SNTG1: variants seen among roughly 807,000 people sequenced by gnomAD.
SNTG1 encodes gamma-1-syntrophin.
In SNTG1, 39 loss-of-function variants were observed where a neutral mutation model predicts 74.7. The ratio of observed to expected loss-of-function variants is 0.52; its 90% CI spans 0.40 to 0.68. SNTG1 has a LOEUF of 0.68. SNTG1 is among the 30% of genes least tolerant of loss of function. The pLI is 0.00. For synonymous variants in SNTG1, 254 were observed against 217.1 expected (o/e 1.17, Z -1.49); for missense variants, 685 against 609.5 (o/e 1.12, Z -1.30).
chr8:50,012,618 C>T (rs1815918012), intron 1 of SNTG1, among the ~76,000 whole-genome samples: 1 of 152,004 alleles, frequency 6.6e-6, no homozygotes. Flanking sequence ...GAGATTACTG[C>T]CATTGAAAAG....
chr8:50,728,065 G>A (rs1317608342), intron 17 of SNTG1, among the ~76,000 whole-genome samples: 4 of 152,100 alleles, frequency 2.6e-5, no homozygotes, highest in African/African-American at 7.2e-5. Flanking sequence ...TTGAGCAGCT[G>A]GGAAAGGTGA....
intron 1 of SNTG1, among the ~76,000 whole-genome samples, chr8:50,128,788 T>A (rs980390012): frequency 6.6e-6 from 1 of 152,116 alleles, no homozygotes; most frequent in Non-Finnish European, 1.5e-5. Flanking sequence ...ATTACAAAAA[T>A]GTTTGAATAG....
At chr8:50,579,562 G>A (rs1331836508) in intron 12 of SNTG1, among the ~76,000 whole-genome samples, 2 of 152,080 alleles carry the variant, frequency 1.3e-5, no homozygotes, top group African/African-American at 4.8e-5. Flanking sequence ...CCTGGTCCAG[G>A]CCCCCCTGCT....
rs1279252570 is a variant in SNTG1, at chr8:50,486,101, CT to C, written c.364-16673del. 6.3e-3 allele frequency among the ~76,000 whole-genome samples: 952 copies of C among 152,236 alleles called. 2 individuals are homozygous for C. The highest frequency in any genetic ancestry group is 0.011 in the Non-Finnish European group (756 of 68,010). The stretch of plus-strand genomic sequence containing the variant: ...GTAGTGTGATGCCTCCAGCTTTGTT[CT>C]TTTGGCTTAGGATTGACTTGGCGAT... On this transcript the variant is annotated intron_variant, in intron 8 of 18. Transcript: ENST00000642720.
chr8:50,290,818 G>A (rs2089056553), intron 2 of SNTG1, among the ~76,000 whole-genome samples: 2 of 151,912 alleles, frequency 1.3e-5, no homozygotes, highest in Admixed American at 6.6e-5. Context: ...GAGTGCAATG[G>A]CGTGATCTCA....
intron 1 of SNTG1, among the ~76,000 whole-genome samples, chr8:49,946,298 T>A (rs1483767342): frequency 1.3e-5 from 2 of 152,210 alleles, no homozygotes; most frequent in African/African-American, 4.8e-5. Context: ...TCCGTTACTA[T>A]AACTGGATAA....
At chr8:50,336,395 G>A (rs1283153590) in intron 2 of SNTG1, among the ~76,000 whole-genome samples, 2 of 152,130 alleles carry the variant, frequency 1.3e-5, no homozygotes, top group Non-Finnish European at 2.9e-5. Flanking sequence ...CTCTATCCCT[G>A]TTTATGTGAA....
chr8:50,350,707 T>C (rs1252403404), intron 2 of SNTG1, among the ~76,000 whole-genome samples: 1 of 152,234 alleles, frequency 6.6e-6, no homozygotes, highest in Admixed American at 6.5e-5. Context: ...ATCTAGCTAC[T>C]CTGGTGGGGA....
intron 15 of SNTG1, among the ~76,000 whole-genome samples, chr8:50,684,722 T>C (rs2095344744): frequency 6.7e-6 from 1 of 148,532 alleles, no homozygotes; most frequent in African/African-American, 2.5e-5. Context: ...TTTTTGTTTT[T>C]GTTTTTGTTT....
At chr8:50,771,825 C>G (rs1375567260) in intron 18 of SNTG1, among the ~76,000 whole-genome samples, 1 of 151,992 alleles carries the variant, frequency 6.6e-6, no homozygotes, top group African/African-American at 2.4e-5. Context: ...CAAGAGCAGC[C>G]ATGGCTCAAG....
intron 17 of SNTG1, 93 bp from the exon 18 acceptor site, chr8:50,751,908 G>C (rs2095568218): frequency 1.5e-6 from 1 of 681,774 alleles, no homozygotes; most frequent in East Asian, 3.1e-5. Context: ...AACTTTGTAT[G>C]ATTAACTTTT....
At chr8:50,187,851 A>G (rs940430195) in intron 2 of SNTG1, among the ~76,000 whole-genome samples, 1 of 152,168 alleles carries the variant, frequency 6.6e-6, no homozygotes, top group African/African-American at 2.4e-5. Flanking sequence ...CCCTTCCATG[A>G]TGGAAGTGGC....
At chr8:49,972,097 G>T (rs1008025684) in intron 1 of SNTG1, among the ~76,000 whole-genome samples, 1 of 152,124 alleles carries the variant, frequency 6.6e-6, no homozygotes, top group Non-Finnish European at 1.5e-5. Flanking sequence ...GAGGCATCAT[G>T]CTACCTGACT....
chr8:50,742,609 T>C (rs774048800), intron 17 of SNTG1, among the ~76,000 whole-genome samples: 1 of 151,534 alleles, frequency 6.6e-6, no homozygotes. Context: ...ATCAGTGACC[T>C]GACATTACAT....
chr8:50,350,931 T>C (rs977640687), intron 2 of SNTG1, among the ~76,000 whole-genome samples: 1 of 152,226 alleles, frequency 6.6e-6, no homozygotes, highest in Non-Finnish European at 1.5e-5. Flanking sequence ...TGGCAACCCG[T>C]AGGTCCCCTT....
At chr8:50,685,506 T>G (rs976205054) in intron 15 of SNTG1, among the ~76,000 whole-genome samples, 1 of 152,236 alleles carries the variant, frequency 6.6e-6, no homozygotes, top group Non-Finnish European at 1.5e-5. Context: ...ACCTGTAAAT[T>G]TCAGAATCTC....
chr8:50,150,749 C>A (rs2082039592), intron 1 of SNTG1, among the ~76,000 whole-genome samples: 1 of 152,122 alleles, frequency 6.6e-6, no homozygotes, highest in African/African-American at 2.4e-5. Context: ...ACTTGCATCC[C>A]AGGGATGAAG....
intron 18 of SNTG1, among the ~76,000 whole-genome samples, chr8:50,776,819 T>C (rs548547374): frequency 2.0e-5 from 3 of 152,078 alleles, no homozygotes; most frequent in African/African-American, 7.2e-5. Context: ...AATGTCTTGA[T>C]TTTCCCTTAA....
At chr8:50,368,202 G>A (rs1293385767) in intron 2 of SNTG1, among the ~76,000 whole-genome samples, 1 of 152,082 alleles carries the variant, frequency 6.6e-6, no homozygotes, top group East Asian at 1.9e-4. Flanking sequence ...TAAGCTGGAG[G>A]AAAAATGGTT....
Sources: gnomAD v4.1 joint callset for allele counts (sites outside exome capture counted in the v4.1 genomes callset) on GRCh38, gnomAD v4.1.1 for gene constraint, MANE v1.5 for transcripts, NCBI Gene and HGNC (gene_info 2026-07-23, HGNC 2026-07-21) for gene names.